The following GALNT1 variants were observed in gnomAD, a reference collection of about 807,000 sequenced individuals.
The protein encoded by GALNT1 is GalNAc transferase 1.
GALNT1 carries 17 observed loss-of-function variants against 65.7 expected under a neutral mutation model. The ratio of observed to expected loss-of-function variants is 0.26; its 90% confidence interval spans 0.18 to 0.39. The LOEUF (loss-of-function observed/expected upper bound fraction) is 0.39. Ranked by LOEUF, GALNT1 falls within the 10% of genes least tolerant of loss-of-function variation. The probability of loss-of-function intolerance (pLI) is 1.00; values close to 1 mark genes in which losing one functional copy is unlikely to be tolerated. For missense variants in GALNT1, 460 were observed against 672.8 expected (o/e 0.68, Z 3.50); for synonymous variants, 210 against 219.7 (o/e 0.96, Z 0.39).
In GALNT1 at chr18:35,602,056, G is replaced by C. The variant is rs182746143; in HGVS notation, c.-104+20194G>C. On this transcript the variant is annotated intron_variant, in intron 1 of 11. Coordinates refer to ENST00000269195, the MANE Select transcript of GALNT1 (RefSeq NM_020474.4). ...CCCTTTAGCATTTGTTATGAGTCAG[G>C]TCTAGCAGTGGTAAATACCTTTAGT... 9.5e-4 allele frequency among the ~76,000 whole-genome samples: 144 copies of C among 152,298 alleles called. 1 individual carries two copies. Among genetic ancestry groups the C allele is most frequent in the African/African-American group, 3.0e-3 (125 of 41,574 alleles).
intron 1 of GALNT1, among the ~76,000 whole-genome samples, chr18:35,646,363 G>C (rs916230955): frequency 2.0e-5 from 3 of 152,182 alleles, no homozygotes; most frequent in African/African-American, 7.2e-5. Context: ...ACTATATCAA[G>C]CATCTTAGCA....
chr18:35,606,239 T>C (rs1353189199), intron 1 of GALNT1, among the ~76,000 whole-genome samples: 1 of 152,214 alleles, frequency 6.6e-6, no homozygotes, highest in East Asian at 1.9e-4. Context: ...ATGGCATTTC[T>C]GCTCACACTT....
rs550688667 is a variant in GALNT1 at position 35,630,574 on chromosome 18, A to C, written c.-103-23986A>C. Among the ~76,000 whole-genome samples the C allele has an allele frequency of 1.6e-4, 24 of 152,362 alleles. 1 individual carries two copies. In the South Asian group the frequency reaches 5.0e-3, roughly 32 times the overall value. ...AAGCAGTGTGTAGAGGGAAATTTATAGCACTAAATGCCCACAAGAGAAAGC... is the reference window on the plus strand; with the variant it reads ...AAGCAGTGTGTAGAGGGAAATTTATCGCACTAAATGCCCACAAGAGAAAGC... On this transcript the variant is annotated intron_variant, in intron 1 of 11. Coordinates refer to ENST00000269195, the MANE Select transcript of GALNT1 (RefSeq NM_020474.4).
chr18:35,637,603 A>G (rs1391863634), intron 1 of GALNT1, among the ~76,000 whole-genome samples: 4 of 152,382 alleles, frequency 2.6e-5, no homozygotes, highest in East Asian at 1.9e-4. Flanking sequence ...GAAACAAGCC[A>G]TCTCCACAAT....
At chr18:35,655,679 A>C (rs1413019612) in intron 2 of GALNT1, among the ~76,000 whole-genome samples, 1 of 152,086 alleles carries the variant, frequency 6.6e-6, no homozygotes, top group Non-Finnish European at 1.5e-5. Context: ...TTCTTTAAGC[A>C]TATAGCCACA....
chr18:35,639,514 A>AT lies in GALNT1; in HGVS notation c.-103-15042dup, dbSNP rs1047498060. Among the ~76,000 whole-genome samples, 145 of 152,286 alleles carry AT rather than the reference A, an allele frequency of 9.5e-4. 1 individual carries two copies. The highest frequency in any genetic ancestry group is 3.0e-3 in the African/African-American group (125 of 41,566). ...ACTCATTTTACTGAATATTTGCTTT[A>AT]TTTTGGTAGTCAGGAACCACACCTG... On this transcript the variant is annotated intron_variant, in intron 1 of 11. Transcript: ENST00000269195.
chr18:35,651,937 T>G (rs2047316560), intron 1 of GALNT1, among the ~76,000 whole-genome samples: 1 of 152,198 alleles, frequency 6.6e-6, no homozygotes, highest in Non-Finnish European at 1.5e-5. Flanking sequence ...TTTCATTCTT[T>G]TACATCTTAT....
At chr18:35,597,679 G>A (rs79174472) in intron 1 of GALNT1, 6 of 152,264 alleles carry the variant, frequency 3.9e-5, no homozygotes, top group East Asian at 1.9e-4. Context: ...GCCTATATGC[G>A]GTTTAAAACA....
rs1361635484 is a variant in GALNT1, at chr18:35,663,611, T to C, written c.140-17T>C. 1.3e-6 allele frequency: 2 copies of C among 1,586,544 alleles called. No individual in the cohort carries two copies. Among genetic ancestry groups the C allele is most frequent in the Non-Finnish European group, 1.7e-6 (2 of 1,171,172 alleles). Reference sequence around the variant, plus strand: ...TGCTATGAAATTAATGTTAGTTAAGTTTCTTCCTATTCTTAGTTCTAGAGC... The same window carrying C: ...TGCTATGAAATTAATGTTAGTTAAGCTTCTTCCTATTCTTAGTTCTAGAGC... On this transcript the variant is annotated splice_polypyrimidine_tract_variant and intron_variant, in intron 2 of 11. Transcript: ENST00000269195.
At chr18:35,642,959 G>C (rs908770473) in intron 1 of GALNT1, among the ~76,000 whole-genome samples, 1 of 151,892 alleles carries the variant, frequency 6.6e-6, no homozygotes, top group Non-Finnish European at 1.5e-5. Context: ...TCTCCATGTC[G>C]GGGGCAGTGT....
intron 4 of GALNT1, 115 bp from the exon 5 acceptor site, chr18:35,683,276 T>TCACTGA: frequency 1.3e-6 from 1 of 756,516 alleles, no homozygotes. Context: ...TCAGGGAGCC[T>TCACTGA]CACTGAGAGT....
intron 4 of GALNT1, among the ~76,000 whole-genome samples, chr18:35,682,827 G>A (rs1427814495): frequency 7.0e-6 from 1 of 143,340 alleles, no homozygotes; most frequent in Non-Finnish European, 1.5e-5. Flanking sequence ...CTAATTGTCA[G>A]TTTAAGGATC....
chr18:35,660,705 A>G (rs1226377569), intron 2 of GALNT1, among the ~76,000 whole-genome samples: 1 of 152,208 alleles, frequency 6.6e-6, no homozygotes, highest in Non-Finnish European at 1.5e-5. Flanking sequence ...AATGCTATAA[A>G]TGCATTAATA....
At chr18:35,639,618 C>G (rs1237405961) in intron 1 of GALNT1, among the ~76,000 whole-genome samples, 1 of 151,980 alleles carries the variant, frequency 6.6e-6, no homozygotes, top group African/African-American at 2.4e-5. Context: ...AAGTTAGGTG[C>G]TATGCATTTA....
intron 6 of GALNT1, 48 bp from the exon 7 acceptor site, chr18:35,689,125 T>TGATTGTAAA: frequency 8.3e-7 from 1 of 1,210,664 alleles, no homozygotes; most frequent in Admixed American, 1.8e-5. Flanking sequence ...AAAAACTGAT[T>TGATTGTAAA]GATTGTAAAT....
At chr18:35,688,436 A>G (rs2144640479) in intron 6 of GALNT1, among the ~76,000 whole-genome samples, 1 of 152,216 alleles carries the variant, frequency 6.6e-6, no homozygotes, top group Non-Finnish European at 1.5e-5. Flanking sequence ...TGTTCTTTAT[A>G]AAAATCAAAT....
rs111615959 is a variant in GALNT1, at chr18:35,626,539, C to A, written c.-103-28021C>A. Among the ~76,000 whole-genome samples the A allele has an allele frequency of 6.4e-3, 971 of 152,192 alleles. 19 individuals are homozygous for A. The highest frequency in any genetic ancestry group is 0.022 in the African/African-American group (921 of 41,514). On this transcript the variant is annotated intron_variant, in intron 1 of 11. Transcript: ENST00000269195. ...TGACAGGATATATACCTATATAAAT[C>A]AATAATTATAGGTTGCAGATTGGTG...
chr18:35,710,147 A>T lies in GALNT1; in HGVS notation c.*377A>T, dbSNP rs1422803063. 1 of 161,980 alleles carries T rather than the reference A, an allele frequency of 6.2e-6. No homozygotes were observed. The highest frequency in any genetic ancestry group is 2.4e-5 in the African/African-American group (1 of 41,774). The allele number at this position is 161,980 out of a possible 1,614,324, so 10.0% of individuals were successfully genotyped here. A position where few individuals can be genotyped will look rare whatever the true frequency, so the allele number is the denominator to read the frequency against. ...TAGTTTCTGCTGAACGTGCTGTCAT[A>T]ATGAAGAGATTTCCAAGATTTTTTT... On this transcript the variant is annotated 3_prime_UTR_variant, in exon 12 of 12. Coordinates refer to ENST00000269195, the MANE Select transcript of GALNT1 (RefSeq NM_020474.4).
At chr18:35,606,821 T>G (rs1047661704) in intron 1 of GALNT1, among the ~76,000 whole-genome samples, 1 of 135,592 alleles carries the variant, frequency 7.4e-6, no homozygotes, top group Non-Finnish European at 1.6e-5. Flanking sequence ...TGTTGATGTT[T>G]TGTGTGTGTG....
Sources: allele counts gnomAD v4.1 joint callset (sites outside exome capture counted in the v4.1 genomes callset), GRCh38; gene constraint gnomAD v4.1.1; transcripts MANE v1.5; gene names NCBI Gene and HGNC (gene_info 2026-07-23, HGNC 2026-07-21).